ZMYM4: variants seen among roughly 807,000 people sequenced by gnomAD.
ZMYM4 encodes zinc finger MYM-type protein 4.
ZMYM4 carries 31 observed loss-of-function variants against 183.2 expected under a neutral mutation model. The observed-to-expected ratio is 0.17, with a 90% confidence interval of 0.13 to 0.23. The LOEUF is 0.23. Among genes scored for constraint, ZMYM4 ranks in the 10% least tolerant of loss-of-function variants. The probability of loss-of-function intolerance (pLI) is 1.00; values close to 1 mark genes in which losing one functional copy is unlikely to be tolerated. For missense variants in ZMYM4, 1,273 were observed against 1,840.3 expected, an observed-to-expected ratio of 0.69 and a Z score of 5.64; for synonymous variants, 592 against 631.2, an observed-to-expected ratio of 0.94 and a Z score of 0.93.
chr1:35,272,343 C>T (rs1161824878), intron 1 of ZMYM4, among the ~76,000 whole-genome samples: 1 of 152,226 alleles, frequency 6.6e-6, no homozygotes, highest in East Asian at 1.9e-4. Context: ...TGTGCTATTT[C>T]ATAAGCTACA....
intron 2 of ZMYM4, among the ~76,000 whole-genome samples, chr1:35,332,124 A>G (rs1008541492): frequency 6.6e-6 from 1 of 151,998 alleles, no homozygotes; most frequent in African/African-American, 2.4e-5. Flanking sequence ...CCTTATGTTA[A>G]ATAGTATTGA....
At position 35,413,954 on chromosome 1, in the gene ZMYM4, C is replaced by CTTTTTTTTTTTTT. The variant is rs142314196; in HGVS notation, c.3949-8_3949-7insTTTTTTTTTTTTT. 6 of 1,199,544 alleles carry CTTTTTTTTTTTTT rather than the reference C, an allele frequency of 5.0e-6. No individual in the cohort carries two copies. The highest frequency in any genetic ancestry group is 2.7e-5 in the East Asian group (1 of 37,128). 74.3% of individuals were successfully genotyped at this position (1,199,544 alleles called of 1,614,324 possible). On this transcript the variant is annotated splice_polypyrimidine_tract_variant and intron_variant, in intron 26 of 29. Transcript: ENST00000314607. ...TTCTTTTTATCAACATGTATATTTT[C>CTTTTTTTTTTTTT]TTTTTTTTTTCTTGTAGTACCTGTT...
intron 5 of ZMYM4, among the ~76,000 whole-genome samples, chr1:35,365,464 G>A (rs1047069253): frequency 6.6e-5 from 10 of 152,010 alleles, no homozygotes; most frequent in Admixed American, 2.0e-4. Context: ...AATAGAGGAC[G>A]AGCTAATGTG....
rs1170245876 is a variant in ZMYM4, at chr1:35,421,830, A to G, written c.*2153A>G. The G allele has an allele frequency of 6.6e-6, 1 of 152,204 alleles. No individual in the cohort carries two copies. The highest frequency in any genetic ancestry group is 1.5e-5 in the Non-Finnish European group (1 of 68,026). 9.4% of individuals were successfully genotyped at this position (152,204 alleles called of 1,614,324 possible). A position where few individuals can be genotyped will look rare whatever the true frequency, so the allele number is the denominator to read the frequency against. On this transcript the variant is annotated 3_prime_UTR_variant, in exon 30 of 30. Coordinates refer to ENST00000314607, the MANE Select transcript of ZMYM4 (RefSeq NM_005095.3). ...CCAGGGGAGAAAAAAACATCAAACA[A>G]AAACATCTAAATCATCCTTTTTGTT... is the stretch of plus-strand genomic sequence containing the variant.
At chr1:35,381,225 A>G in intron 7 of ZMYM4, 34 bp from the exon 8 acceptor site, 1 of 1,510,986 alleles carries the variant, frequency 6.6e-7, no homozygotes, top group Non-Finnish European at 8.9e-7. Flanking sequence ...AATGAATTAT[A>G]CCATGGCTTA....
intron 7 of ZMYM4, among the ~76,000 whole-genome samples, chr1:35,378,543 G>A (rs1182616510): frequency 6.6e-6 from 1 of 152,208 alleles, no homozygotes; most frequent in African/African-American, 2.4e-5. Flanking sequence ...ACTCTTCAGT[G>A]ACTAGATGTC....
chr1:35,383,677 C>T (rs1030280153), intron 9 of ZMYM4, among the ~76,000 whole-genome samples: 1 of 152,008 alleles, frequency 6.6e-6, no homozygotes, highest in Non-Finnish European at 1.5e-5. Context: ...AGTGATAGTC[C>T]ACAAGAGAGG....
intron 1 of ZMYM4, among the ~76,000 whole-genome samples, chr1:35,313,100 C>G (rs374452607): frequency 3.3e-5 from 5 of 152,118 alleles, no homozygotes; most frequent in African/African-American, 1.2e-4. Context: ...CACCATGTTG[C>G]CCAGGCTGGT....
At chr1:35,296,902 T>G (rs1436872091) in intron 1 of ZMYM4, among the ~76,000 whole-genome samples, 1 of 144,702 alleles carries the variant, frequency 6.9e-6, no homozygotes, top group East Asian at 2.3e-4. Context: ...CAGGCTGGAG[T>G]GCAGTGACGC....
chr1:35,393,327 G>A (rs990839766), intron 17 of ZMYM4, among the ~76,000 whole-genome samples: 1 of 152,138 alleles, frequency 6.6e-6, no homozygotes, highest in African/African-American at 2.4e-5. Context: ...TTATTGATCA[G>A]CAGTGTGTTA....
intron 7 of ZMYM4, among the ~76,000 whole-genome samples, chr1:35,372,402 T>C (rs566500296): frequency 6.6e-6 from 1 of 152,326 alleles, no homozygotes; most frequent in East Asian, 1.9e-4. Flanking sequence ...TCAGGGAATG[T>C]TGGTTAAAGG....
chr1:35,367,552 G>A lies in ZMYM4; in HGVS notation c.841-2477G>A, dbSNP rs372981025. Among the ~76,000 whole-genome samples, 74 of 152,192 alleles carry A rather than the reference G, an allele frequency of 4.9e-4. 1 individual carries two copies. Among genetic ancestry groups the A allele is most frequent in the African/African-American group, 1.6e-3 (68 of 41,516 alleles). ...CCATAAGTATCCTACAATTAGTTTC[G>A]TTAGGATAGCATGATATCATAAGAT... On this transcript the variant is annotated intron_variant, in intron 5 of 29. Coordinates refer to ENST00000314607, the MANE Select transcript of ZMYM4 (RefSeq NM_005095.3).
chr1:35,319,128 C>T (rs1039081719), intron 1 of ZMYM4, among the ~76,000 whole-genome samples: 1 of 152,188 alleles, frequency 6.6e-6, no homozygotes, highest in African/African-American at 2.4e-5. Context: ...GATCAGCCCG[C>T]CTCGGCCTCC....
intron 2 of ZMYM4, among the ~76,000 whole-genome samples, chr1:35,336,184 A>G (rs1296676540): frequency 6.6e-6 from 1 of 152,072 alleles, no homozygotes; most frequent in Admixed American, 6.6e-5. Flanking sequence ...GCATATCCTC[A>G]AGGTTCATCA....
At chr1:35,339,229 A>G (rs898668085) in intron 2 of ZMYM4, among the ~76,000 whole-genome samples, 3 of 152,002 alleles carry the variant, frequency 2.0e-5, no homozygotes, top group Non-Finnish European at 4.4e-5. Flanking sequence ...ACATAGCATT[A>G]ACATTATATT....
intron 1 of ZMYM4, among the ~76,000 whole-genome samples, chr1:35,321,701 T>A (rs1642288554): frequency 1.3e-5 from 2 of 152,026 alleles, no homozygotes; most frequent in Admixed American, 1.3e-4. Flanking sequence ...TTTGGGAGAT[T>A]AAATTGGATT....
intron 7 of ZMYM4, among the ~76,000 whole-genome samples, chr1:35,374,684 A>AG (rs1644296861): frequency 6.6e-6 from 1 of 151,772 alleles, no homozygotes; most frequent in South Asian, 2.1e-4. Flanking sequence ...AAAAAAAAAA[A>AG]AAGTCAGTCA....
intron 2 of ZMYM4, among the ~76,000 whole-genome samples, chr1:35,331,745 C>A (rs1428886206): frequency 2.0e-5 from 3 of 151,494 alleles, no homozygotes; most frequent in Admixed American, 1.3e-4. Flanking sequence ...CAAGATCGTG[C>A]CACCATACTC....
intron 1 of ZMYM4, among the ~76,000 whole-genome samples, chr1:35,278,850 C>T (rs1640005801): frequency 6.6e-6 from 1 of 152,168 alleles, no homozygotes; most frequent in Non-Finnish European, 1.5e-5. Context: ...ATAAAATTCT[C>T]CATCTGTGGA....
Sources: allele counts gnomAD v4.1 joint callset (sites outside exome capture counted in the v4.1 genomes callset), GRCh38; gene constraint gnomAD v4.1.1; transcripts MANE v1.5; gene names NCBI Gene and HGNC (gene_info 2026-07-23, HGNC 2026-07-21).